GLIS1: variants seen among roughly 807,000 people sequenced by gnomAD.
GLIS1 encodes GLIS family zinc finger 1, also known as zinc finger protein GLIS1.
In GLIS1, 24 loss-of-function variants were observed where a neutral mutation model predicts 63.8. The ratio of observed to expected loss-of-function variants is 0.38; its 90% CI spans 0.27 to 0.53. GLIS1 has a LOEUF of 0.53. Ranked by LOEUF, GLIS1 falls within the 20% of genes least tolerant of loss-of-function variation. The pLI, the probability that GLIS1 is intolerant of heterozygous loss-of-function variation, is 0.85. For missense variants in GLIS1, 1,036 were observed against 1,074.1 expected, an observed-to-expected ratio of 0.96 and a Z score of 0.50; for synonymous variants, 450 against 482.5, an observed-to-expected ratio of 0.93 and a Z score of 0.88.
At chr1:53,528,246 G>A (rs1049842664) in intron 5 of GLIS1, among the ~76,000 whole-genome samples, 1 of 152,230 alleles carries the variant, frequency 6.6e-6, no homozygotes, top group Non-Finnish European at 1.5e-5. Context: ...CTGAGAAGGG[G>A]AGGACTGTTG....
At chr1:53,723,028 GA>G (rs1372953383) in intron 2 of GLIS1, among the ~76,000 whole-genome samples, 1 of 150,670 alleles carries the variant, frequency 6.6e-6, no homozygotes, top group Non-Finnish European at 1.5e-5. Flanking sequence ...AGCTACTCAG[GA>G]GGCTGAGGCG....
Position 53,639,244 on chromosome 1 carries a change from A to C in GLIS1, c.260-38966T>G, listed in dbSNP as rs1323124747. 1.3e-5 allele frequency among the ~76,000 whole-genome samples: 2 copies of C among 152,088 alleles called. No homozygotes were observed. The highest frequency in any genetic ancestry group is 4.8e-5 in the African/African-American group (2 of 41,418). ...CACTGGCCACACTCTCCAGCATTAC[A>C]CTAAGGGAGCTGCGGGCTGGCAGGG... On this transcript the variant is annotated intron_variant, in intron 2 of 10. Transcript: ENST00000628545. The surrounding 1 kb of genome is among the most constrained non-coding windows in gnomAD (Gnocchi z 4.6).
rs779907604 is a variant in GLIS1 at position 53,560,442 on chromosome 1, A to C, written c.1321-30490T>G. Among the ~76,000 whole-genome samples, 3 of 152,184 alleles carry C rather than the reference A, an allele frequency of 2.0e-5. No individual in the cohort carries two copies. The highest frequency in any genetic ancestry group is 4.4e-5 in the Non-Finnish European group (3 of 68,026). ...GGGCAGGGGTTCCACTGGCAGACGG[A>C]CAGTTCCGGTCGGGAGATATCTGGT... On this transcript the variant is annotated intron_variant, in intron 4 of 10. Transcript: ENST00000628545. The surrounding 1 kb of genome is among the most constrained non-coding windows in gnomAD (Gnocchi z 4.4).
At chr1:53,649,933 T>G (rs1645887803) in intron 2 of GLIS1, among the ~76,000 whole-genome samples, 2 of 152,316 alleles carry the variant, frequency 1.3e-5, no homozygotes, top group African/African-American at 4.8e-5. Flanking sequence ...ATATGCAGAT[T>G]TTTGACTATA....
At position 53,662,877 on chromosome 1, in the gene GLIS1, C is replaced by T. The variant is rs12033377; in HGVS notation, c.260-62599G>A. On this transcript the variant is annotated intron_variant, in intron 2 of 10. Coordinates refer to ENST00000628545, the MANE Select transcript of GLIS1 (RefSeq NM_001367484.1). Reference sequence around the variant, plus strand: ...AAGTCCTTTACAGAGACCATCTCCCCGGCGCTATAAAGCAAACACTGTACA... The same window carrying T: ...AAGTCCTTTACAGAGACCATCTCCCTGGCGCTATAAAGCAAACACTGTACA... Among the ~76,000 whole-genome samples the T allele has an allele frequency of 4.9e-3, 751 of 152,278 alleles. 32 individuals are homozygous for T. The East Asian group carries it at 0.12, about 25-fold the overall frequency.
At chr1:53,546,551 C>T (rs1644701004) in intron 4 of GLIS1, among the ~76,000 whole-genome samples, 1 of 152,092 alleles carries the variant, frequency 6.6e-6, no homozygotes, top group African/African-American at 2.4e-5. Context: ...GGTTAACACT[C>T]CCTGTTTGCA....
At chr1:53,556,991 T>C (rs1644841671) in intron 4 of GLIS1, among the ~76,000 whole-genome samples, 1 of 151,540 alleles carries the variant, frequency 6.6e-6, no homozygotes, top group South Asian at 2.1e-4. Flanking sequence ...GATGTGTGTG[T>C]TCGTGTGTAC....
chr1:53,671,373 G>C lies in GLIS1; in HGVS notation c.259+66433C>G, dbSNP rs534020572. On this transcript the variant is annotated intron_variant, in intron 2 of 10. Transcript: ENST00000628545. The stretch of plus-strand genomic sequence containing the variant: ...TTCAGGTGAAAATACTCTCCTCCTG[G>C]GCCCAGAAAGGCCATGTCCACCAGG... 2.0e-5 allele frequency among the ~76,000 whole-genome samples: 3 copies of C among 152,254 alleles called. No homozygotes were observed. In the South Asian group the frequency reaches 6.2e-4, roughly 32 times the overall value.
At chr1:53,541,979 C>T (rs1314394629) in intron 4 of GLIS1, among the ~76,000 whole-genome samples, 1 of 152,148 alleles carries the variant, frequency 6.6e-6, no homozygotes, top group African/African-American at 2.4e-5. Context: ...GATCACTCAC[C>T]AAAGCTAAGG....
intron 4 of GLIS1, among the ~76,000 whole-genome samples, chr1:53,532,671 T>A (rs1644543454): frequency 6.6e-6 from 1 of 152,198 alleles, no homozygotes; most frequent in African/African-American, 2.4e-5. Flanking sequence ...CCTCTCAGCA[T>A]CCTTTGTTCC....
At chr1:53,509,558 T>A (rs1196354537) in intron 9 of GLIS1, among the ~76,000 whole-genome samples, 1 of 152,112 alleles carries the variant, frequency 6.6e-6, no homozygotes, top group Non-Finnish European at 1.5e-5. Context: ...GCCTACTCCC[T>A]CCACTCTCAG....
chr1:53,654,245 G>A (rs1019932523), intron 2 of GLIS1, among the ~76,000 whole-genome samples: 3 of 152,220 alleles, frequency 2.0e-5, no homozygotes, highest in East Asian at 1.9e-4. Context: ...AGCAGCGAAC[G>A]AGATCAACAA....
At chr1:53,658,986 C>T (rs1459387339) in intron 2 of GLIS1, among the ~76,000 whole-genome samples, 1 of 152,208 alleles carries the variant, frequency 6.6e-6, no homozygotes, top group East Asian at 1.9e-4. Flanking sequence ...ATGCCCTGGC[C>T]GCATGACCCC....
At chr1:53,535,347 A>G (rs745923873) in intron 4 of GLIS1, among the ~76,000 whole-genome samples, 2 of 152,012 alleles carry the variant, frequency 1.3e-5, no homozygotes, top group Non-Finnish European at 2.9e-5. Flanking sequence ...CTGAGCTGTC[A>G]CTGTTTCTTC....
At chr1:53,735,942 G>A (rs1174287688) in intron 2 of GLIS1, among the ~76,000 whole-genome samples, 1 of 152,166 alleles carries the variant, frequency 6.6e-6, no homozygotes, top group African/African-American at 2.4e-5. Flanking sequence ...AGGACCCTGA[G>A]CCTTCCCTTT....
intron 2 of GLIS1, among the ~76,000 whole-genome samples, chr1:53,700,188 G>A (rs532884880): frequency 9.2e-5 from 14 of 152,304 alleles, no homozygotes; most frequent in African/African-American, 3.4e-4. Context: ...TCGGCCTGGA[G>A]GAACCAGCAG....
At chr1:53,523,258 C>T (rs2100303171) in intron 6 of GLIS1, among the ~76,000 whole-genome samples, 1 of 152,196 alleles carries the variant, frequency 6.6e-6, no homozygotes, top group Non-Finnish European at 1.5e-5. Flanking sequence ...GATTTGACCA[C>T]GTCCCTCTCT....
At chr1:53,581,009 G>A (rs72899296) in intron 4 of GLIS1, among the ~76,000 whole-genome samples, 5,676 of 151,576 alleles carry the variant, frequency 0.037, 359 homozygotes, top group African/African-American at 0.13. Flanking sequence ...TTCCAAGAGC[G>A]AAACAGTGTG....
chr1:53,719,707 A>C (rs1003025187), intron 2 of GLIS1, among the ~76,000 whole-genome samples: 17 of 152,276 alleles, frequency 1.1e-4, no homozygotes, highest in African/African-American at 4.1e-4. Flanking sequence ...AGTTGAAAAA[A>C]ACCAAATCCT....
Sources: gnomAD v4.1 joint callset for allele counts (sites outside exome capture counted in the v4.1 genomes callset) on GRCh38, gnomAD v4.1.1 for gene constraint, Gnocchi (gnomAD v3.1) non-coding constraint, MANE v1.5 for transcripts, NCBI Gene and HGNC (gene_info 2026-07-23, HGNC 2026-07-21) for gene names.